The following GPC3 variants were observed in gnomAD, a reference collection of about 807,000 sequenced individuals.
GPC3 encodes glypican 3.
GPC3 carries 3 observed loss-of-function variants against 34.4 expected under a neutral mutation model. That is an observed-to-expected ratio of 0.09 (90% CI 0.04 to 0.23). The LOEUF (loss-of-function observed/expected upper bound fraction) is 0.23. Among genes scored for constraint, GPC3 ranks in the 10% least tolerant of loss-of-function variants. The pLI is 1.00. For synonymous variants in GPC3, 177 were observed against 174.0 expected (o/e 1.02, Z -0.13); for missense variants, 351 against 445.6 (o/e 0.79, Z 1.91).
At chrX:133,595,496 A>G (rs1450379786) in intron 7 of GPC3, among the ~76,000 whole-genome samples, 1 of 111,076 alleles carries the variant, frequency 9.0e-6, no homozygotes, top group Non-Finnish European at 1.9e-5. Flanking sequence ...CAGCAGTACT[A>G]TATTACTTTT....
intron 2 of GPC3, among the ~76,000 whole-genome samples, chrX:133,939,614 T>C (rs1180945486): frequency 8.9e-6 from 1 of 111,860 alleles, no homozygotes; most frequent in Non-Finnish European, 1.9e-5. Flanking sequence ...GTTCCAGATA[T>C]CACTTTCCCC....
chrX:133,661,627 TCTCTCTCCCCCCCCC>T (rs2070725408), intron 6 of GPC3, 88 bp downstream of exon 6: 1 of 14,311 alleles, frequency 7.0e-5, no homozygotes, highest in Non-Finnish European at 1.1e-4. Flanking sequence ...TCTCTCTCTC[TCTCTCTCCCCCCCCC>T]CTCTCTCTCC....
At chrX:133,614,169 A>G (rs1400270032) in intron 6 of GPC3, among the ~76,000 whole-genome samples, 1 of 111,879 alleles carries the variant, frequency 8.9e-6, no homozygotes, top group East Asian at 2.8e-4. Context: ...CAGAAGCAGG[A>G]GAGAGAAATA....
At chrX:133,761,083 A>G (rs1169621546) in intron 2 of GPC3, among the ~76,000 whole-genome samples, 1 of 111,074 alleles carries the variant, frequency 9.0e-6, no homozygotes, top group East Asian at 2.8e-4. Context: ...CTGCTTTGAC[A>G]TTTCTTTCAT....
chrX:133,681,442 G>A (rs41357849), intron 5 of GPC3, among the ~76,000 whole-genome samples: 1,513 of 111,859 alleles, frequency 0.014, 24 homozygotes, highest in African/African-American at 0.045. Flanking sequence ...AAAAATCATC[G>A]GAGAAACTCA....
intron 2 of GPC3, among the ~76,000 whole-genome samples, chrX:133,778,027 T>C (rs2124500215): frequency 8.9e-6 from 1 of 112,588 alleles, no homozygotes; most frequent in African/African-American, 3.2e-5. Context: ...AACCTTGTTT[T>C]GTAAAGAACA....
At chrX:133,631,714 A>G (rs1172051083) in intron 6 of GPC3, among the ~76,000 whole-genome samples, 1 of 110,647 alleles carries the variant, frequency 9.0e-6, no homozygotes, top group Non-Finnish European at 1.9e-5. Flanking sequence ...CAGCTACACC[A>G]TTTTACTTTC....
chrX:133,791,457 G>T (rs964806752), intron 2 of GPC3, among the ~76,000 whole-genome samples: 9 of 111,846 alleles, frequency 8.0e-5, no homozygotes, highest in Non-Finnish European at 1.7e-4. Context: ...ATTCATGTTT[G>T]TGTGGCCCCT....
intron 1 of GPC3, among the ~76,000 whole-genome samples, chrX:133,973,506 C>CA (rs971185603): frequency 8.9e-6 from 1 of 112,253 alleles, no homozygotes; most frequent in Non-Finnish European, 1.9e-5. Context: ...AAAGTGGTGT[C>CA]AAAAAATCAA....
intron 2 of GPC3, among the ~76,000 whole-genome samples, chrX:133,903,543 C>T (rs112884072): frequency 9.2e-6 from 1 of 108,934 alleles, no homozygotes; most frequent in African/African-American, 3.3e-5. Context: ...CAGCCAAGAC[C>T]GTGCCACTGC....
chrX:133,629,726 A>G (rs1192657305), intron 6 of GPC3, among the ~76,000 whole-genome samples: 8 of 109,542 alleles, frequency 7.3e-5, no homozygotes, highest in African/African-American at 2.6e-4. Flanking sequence ...TGCTAAGGAA[A>G]GGGAAAGGGG....
intron 6 of GPC3, among the ~76,000 whole-genome samples, chrX:133,618,331 G>A (rs765248121): frequency 3.6e-5 from 4 of 111,278 alleles, no homozygotes; most frequent in African/African-American, 9.8e-5. Context: ...TTCTTAAACC[G>A]TCTGGATACA....
chrX:133,556,663 A>G (rs1405350345), intron 7 of GPC3, among the ~76,000 whole-genome samples: 1 of 106,826 alleles, frequency 9.4e-6, no homozygotes, highest in African/African-American at 3.4e-5. Flanking sequence ...GATTGGTTGG[A>G]GAAAAATATT....
At chrX:133,588,257 T>A (rs2069810845) in intron 7 of GPC3, among the ~76,000 whole-genome samples, 1 of 111,288 alleles carries the variant, frequency 9.0e-6, no homozygotes, top group South Asian at 3.9e-4. Context: ...TAAAATACAT[T>A]TTGGTAAAAC....
At chrX:133,927,027 C>T (rs2055875484) in intron 2 of GPC3, among the ~76,000 whole-genome samples, 1 of 110,928 alleles carries the variant, frequency 9.0e-6, no homozygotes, top group African/African-American at 3.3e-5. Context: ...TCTTTCTGCA[C>T]ATTGGGAGGC....
chrX:133,895,884 T>C (rs2076109765), intron 2 of GPC3, among the ~76,000 whole-genome samples: 2 of 111,660 alleles, frequency 1.8e-5, no homozygotes, highest in African/African-American at 6.5e-5. Context: ...TTTCTGTCCT[T>C]GCTAAGCTTC....
At chrX:133,976,682 C>G (rs1256931241) in intron 1 of GPC3, among the ~76,000 whole-genome samples, 1 of 110,594 alleles carries the variant, frequency 9.0e-6, no homozygotes, top group Admixed American at 9.7e-5. Flanking sequence ...CTTTGGGAGG[C>G]TGAGGCAGGC....
intron 2 of GPC3, among the ~76,000 whole-genome samples, chrX:133,906,735 G>A (rs745819927): frequency 7.2e-5 from 8 of 111,851 alleles, no homozygotes; most frequent in East Asian, 2.8e-4. Context: ...TTTCATTTCC[G>A]TCTGCAAAAG....
chrX:133,587,140 C>A, intron 7 of GPC3, among the ~76,000 whole-genome samples: 1 of 111,689 alleles, frequency 9.0e-6, no homozygotes, highest in East Asian at 2.8e-4. Flanking sequence ...ATGAGATCAA[C>A]TTTTTTTAGT....
Sources: allele counts gnomAD v4.1 joint callset (sites outside exome capture counted in the v4.1 genomes callset), GRCh38; gene constraint gnomAD v4.1.1; transcripts MANE v1.5; gene names NCBI Gene and HGNC (gene_info 2026-07-23, HGNC 2026-07-21).